DNM3: variants seen among roughly 807,000 people sequenced by gnomAD.
DNM3 encodes dynamin 3.
A neutral mutation model predicts 101.6 loss-of-function variants in DNM3; 47 were observed. The observed-to-expected ratio is 0.46, with a 90% CI of 0.37 to 0.59. The LOEUF (loss-of-function observed/expected upper bound fraction) is 0.59. DNM3 is among the 20% of genes least tolerant of loss of function. DNM3 has a pLI of 0.00. For synonymous variants in DNM3, 385 were observed against 387.9 expected, an observed-to-expected ratio of 0.99 and a Z score of 0.09; for missense variants, 849 against 1,085.7, an observed-to-expected ratio of 0.78 and a Z score of 3.06.
intron 12 of DNM3, among the ~76,000 whole-genome samples, chr1:172,083,853 A>T (rs1250476953): frequency 1.3e-5 from 2 of 152,106 alleles, no homozygotes; most frequent in Non-Finnish European, 2.9e-5. Context: ...AGACTTTCAA[A>T]CACAATCTTT....
intron 14 of DNM3, among the ~76,000 whole-genome samples, chr1:172,172,846 C>A (rs975585558): frequency 3.3e-5 from 5 of 151,804 alleles, no homozygotes; most frequent in African/African-American, 1.2e-4. Context: ...CTTAAACAAA[C>A]GGTGATGCAG....
chr1:172,166,936 ATACTTTAAGTTCTAGGATACATGTG>A (rs1261239942), intron 14 of DNM3, among the ~76,000 whole-genome samples: 3 of 148,372 alleles, frequency 2.0e-5, no homozygotes, highest in African/African-American at 2.6e-5. Context: ...TTTTTTTTTA[ATACTTTAAGTTCTAGGATACATGTG>A]CACAACATGC....
downstream of DNM3, among the ~76,000 whole-genome samples, chr1:172,416,007 T>A (rs1293014489): frequency 6.6e-6 from 1 of 152,202 alleles, no homozygotes; most frequent in Non-Finnish European, 1.5e-5. Flanking sequence ...TACACCCATG[T>A]TCCAGATACA....
At chr1:172,187,587 G>A (rs1049740702) in intron 14 of DNM3, among the ~76,000 whole-genome samples, 2 of 152,036 alleles carry the variant, frequency 1.3e-5, no homozygotes, top group African/African-American at 4.8e-5. Context: ...AGAATGGATA[G>A]TAGCCTTATT....
intron 15 of DNM3, among the ~76,000 whole-genome samples, chr1:172,304,206 C>CAAAAAAAAAAAAAAAAAAAAAAA (rs575733774): frequency 8.0e-4 from 29 of 36,334 alleles, no homozygotes; most frequent in Admixed American, 1.1e-3. Context: ...AAAAGGAAAG[C>CAAAAAAAAAAAAAAAAAAAAAAA]AAAAAAAAAA....
In DNM3 at chr1:172,131,214, A is replaced by C. The variant is rs1214222450; in HGVS notation, c.1585A>C (p.Ile529Leu). 1 of 1,613,460 alleles carries C rather than the reference A, an allele frequency of 6.2e-7. No homozygotes were observed. Among genetic ancestry groups the C allele is most frequent in the Non-Finnish European group, 8.5e-7 (1 of 1,179,608 alleles). Residue 529 changes from isoleucine to leucine, a missense_variant, in exon 14 of 21, where the codon ATC becomes CTC. By Grantham distance (5) the Ile-to-Leu change is conservative (BLOSUM62 2). Coordinates refer to ENST00000627582, the MANE Select transcript of DNM3 (RefSeq NM_015569.5). The part of the protein sequence containing the change: ...KGWLTISNIG[I>L]MKGGSKGYWF... ...GTGGCTCACCATCAGCAACATTGGC[A>C]TCATGAAAGGCGGCTCGAAGGGATA...
At chr1:172,211,639 G>T (rs1020386634) in intron 14 of DNM3, among the ~76,000 whole-genome samples, 1 of 152,066 alleles carries the variant, frequency 6.6e-6, no homozygotes, top group African/African-American at 2.4e-5. Flanking sequence ...AAAGTTACCG[G>T]TCTGAATCTG....
chr1:171,963,674 G>GCTGCT (rs959973715), intron 2 of DNM3, among the ~76,000 whole-genome samples: 14 of 151,712 alleles, frequency 9.2e-5, no homozygotes, highest in Admixed American at 2.6e-4. Flanking sequence ...TGAACCTAAA[G>GCTGCT]CTGCTCTAAA....
At chr1:172,000,201 G>C (rs1298695196) in intron 4 of DNM3, among the ~76,000 whole-genome samples, 2 of 152,102 alleles carry the variant, frequency 1.3e-5, no homozygotes, top group East Asian at 3.9e-4. Flanking sequence ...AGGTGATGAA[G>C]AAGCGGTAGA....
intron 2 of DNM3, among the ~76,000 whole-genome samples, chr1:171,938,616 T>A (rs1458541603): frequency 6.6e-6 from 1 of 152,230 alleles, no homozygotes; most frequent in African/African-American, 2.4e-5. Context: ...CTTTGTAATA[T>A]TTTTCCTTGA....
chr1:172,180,628 A>G (rs1358863211), intron 14 of DNM3, among the ~76,000 whole-genome samples: 4 of 152,142 alleles, frequency 2.6e-5, no homozygotes, highest in Non-Finnish European at 4.4e-5. Context: ...CTTTTATTGC[A>G]GGAATAGCAT....
In DNM3 at chr1:172,308,745, A is replaced by G; in HGVS notation, c.1787A>G (p.Tyr596Cys). Residue 596 changes from tyrosine to cysteine, a missense_variant, in exon 16 of 21, where the codon TAT (tyrosine) becomes TGT (cysteine). Coordinates refer to ENST00000627582, the MANE Select transcript of DNM3 (RefSeq NM_015569.5). Reference sequence around the variant, plus strand: ...AACTCCAGGAATGTATACAAAGACTATCGCTTCCTTGAGCTGGCATGTGAT... The same window carrying G: ...AACTCCAGGAATGTATACAAAGACTGTCGCTTCCTTGAGCTGGCATGTGAT... Reference protein sequence around the residue: ...NTEQRNVYKDYRFLELACDSQ... With the variant: ...NTEQRNVYKDCRFLELACDSQ... The G allele has an allele frequency of 6.3e-7, 1 of 1,598,466 alleles. No individual in the cohort carries two copies.
intron 14 of DNM3, among the ~76,000 whole-genome samples, chr1:172,195,526 T>C (rs1365080894): frequency 6.6e-6 from 1 of 152,036 alleles, no homozygotes; most frequent in East Asian, 1.9e-4. Context: ...GCATCTAGTG[T>C]CTCACCATTA....
rs971449573 is a variant in DNM3 at position 172,203,060 on chromosome 1, G to A, written c.1660-50513G>A. Among the ~76,000 whole-genome samples the A allele has an allele frequency of 7.9e-5, 12 of 152,132 alleles. No individual in the cohort carries two copies. In the South Asian group the frequency reaches 1.2e-3, roughly 16 times the overall value. ...TAACTGGGGCTCTACTGGGGCTAAC[G>A]GATCATTAAAAATTACAAAACAGGA... On this transcript the variant is annotated intron_variant, in intron 14 of 20. Transcript: ENST00000627582.
In DNM3 at chr1:172,410,055, A is replaced by G. The variant is rs1234428124; in HGVS notation, c.*2214A>G. ...ATAGTCCCACAGTTGCACTGCCCCAATTGTCTACCTTTGTGGGTACATTTT... is the reference window on the plus strand; with the variant it reads ...ATAGTCCCACAGTTGCACTGCCCCAGTTGTCTACCTTTGTGGGTACATTTT... On this transcript the variant is annotated 3_prime_UTR_variant, in exon 21 of 21. Transcript: ENST00000627582. The G allele has an allele frequency of 1.3e-5, 13 of 985,370 alleles. No individual in the cohort carries two copies. Among genetic ancestry groups the G allele is most frequent in the African/African-American group, 7.0e-5 (4 of 57,194 alleles). 61.0% of individuals were successfully genotyped at this position (985,370 alleles called of 1,614,324 possible).
At chr1:172,298,399 G>A (rs2064266733) in intron 15 of DNM3, among the ~76,000 whole-genome samples, 1 of 152,192 alleles carries the variant, frequency 6.6e-6, no homozygotes, top group Non-Finnish European at 1.5e-5. Context: ...CACTGCTATG[G>A]GAGACTCAGG....
At chr1:172,033,914 C>T (rs368764702) in intron 6 of DNM3, among the ~76,000 whole-genome samples, 8 of 152,130 alleles carry the variant, frequency 5.3e-5, no homozygotes, top group African/African-American at 9.7e-5. Flanking sequence ...TTAAGTGTTA[C>T]GACAAGCATC....
chr1:172,228,053 G>A (rs1251264847), intron 14 of DNM3, among the ~76,000 whole-genome samples: 1 of 151,938 alleles, frequency 6.6e-6, no homozygotes, highest in Non-Finnish European at 1.5e-5. Flanking sequence ...ATGGCTCTCT[G>A]AGTATTATGG....
At chr1:172,120,024 CT>C (rs2056205218) in intron 13 of DNM3, among the ~76,000 whole-genome samples, 1 of 152,130 alleles carries the variant, frequency 6.6e-6, no homozygotes, top group Non-Finnish European at 1.5e-5. Context: ...ACCCTGTATC[CT>C]TTTTCCTCTC....
Sources: gnomAD v4.1 joint callset for allele counts (sites outside exome capture counted in the v4.1 genomes callset) on GRCh38, gnomAD v4.1.1 for gene constraint, MANE v1.5 for transcripts, NCBI Gene and HGNC (gene_info 2026-07-23, HGNC 2026-07-21) for gene names.